Variants in AP3B2 observed in about 807,000 individuals in gnomAD.
AP3B2 encodes the protein adaptor related protein complex 3 subunit beta 2.
A neutral mutation model predicts 126.9 loss-of-function variants in AP3B2; 50 were observed. That is an observed-to-expected ratio of 0.39 (90% CI 0.31 to 0.50). The LOEUF is 0.50. Among genes scored for constraint, AP3B2 ranks in the 20% least tolerant of loss-of-function variants. AP3B2 has a pLI of 0.79. For missense variants in AP3B2, 1,177 were observed against 1,426.4 expected (o/e 0.83, Z 2.82); for synonymous variants, 541 against 565.0 (o/e 0.96, Z 0.60).
At chr15:82,663,653 A>C in intron 20 of AP3B2, 33 bp from the exon 21 acceptor site, 1 of 1,613,552 alleles carries the variant, frequency 6.2e-7, no homozygotes, top group Non-Finnish European at 8.5e-7. Context: ...GGGTGTGGGG[A>C]AGGGGAGCAC....
At chr15:82,702,589 C>A (rs955322570) in intron 1 of AP3B2, among the ~76,000 whole-genome samples, 11 of 152,168 alleles carry the variant, frequency 7.2e-5, no homozygotes, top group African/African-American at 2.7e-4. Flanking sequence ...CGCCCCTGCC[C>A]ACCAAGGAAC....
intron 1 of AP3B2, among the ~76,000 whole-genome samples, chr15:82,698,955 C>T (rs950816598): frequency 6.6e-6 from 1 of 152,186 alleles, no homozygotes; most frequent in African/African-American, 2.4e-5. Context: ...CTGACACAGA[C>T]CGCAGCCACC....
intron 1 of AP3B2, among the ~76,000 whole-genome samples, chr15:82,693,072 G>A (rs1375766142): frequency 6.6e-6 from 1 of 151,964 alleles, no homozygotes; most frequent in Non-Finnish European, 1.5e-5. Context: ...TAAACACCAC[G>A]AGACGATGAT....
At position 82,664,283 on chromosome 15, in the gene AP3B2, G is replaced by A; in HGVS notation, c.2261+84C>T. The A allele has an allele frequency of 6.2e-7, 1 of 1,600,740 alleles. No individual in the cohort carries two copies. Among genetic ancestry groups the A allele is most frequent in the Non-Finnish European group, 8.5e-7 (1 of 1,175,686 alleles). ...TCACGAGGGGCTCAGGGGCTCTTAG[G>A]AGACTGGCTAAAGCTCAATGCTAGC... is the stretch of plus-strand genomic sequence containing the variant. On this transcript the variant is annotated intron_variant, in intron 19 of 26. Transcript: ENST00000535359. This position sits in a 1 kb window ranked among gnomAD's most constrained non-coding sequence, Gnocchi z 4.5.
At position 82,681,657 on chromosome 15, in the gene AP3B2, C is replaced by A; in HGVS notation, c.361-77G>T. On this transcript the variant is annotated intron_variant, in intron 4 of 26. Transcript: ENST00000535359. This position sits in a 1 kb window ranked among gnomAD's most constrained non-coding sequence, Gnocchi z 4.0. The stretch of plus-strand genomic sequence containing the variant: ...GGGGGGAGGCCACACCTTTGGAAGT[C>A]ACTGTCCCCAGCGACCACTAGCTCT... The A allele has an allele frequency of 1.3e-6, 2 of 1,486,708 alleles. No individual in the cohort carries two copies. The highest frequency in any genetic ancestry group is 2.5e-5 in the South Asian group (2 of 79,728). 92.1% of individuals were successfully genotyped at this position (1,486,708 alleles called of 1,614,324 possible). A position where few individuals can be genotyped will look rare whatever the true frequency, so the allele number is the denominator to read the frequency against.
chr15:82,707,870 C>G (rs562949974), intron 1 of AP3B2, among the ~76,000 whole-genome samples: 1 of 152,222 alleles, frequency 6.6e-6, no homozygotes, highest in Non-Finnish European at 1.5e-5. Context: ...CTCTCCCACT[C>G]TAGGTTCCCA....
intron 1 of AP3B2, among the ~76,000 whole-genome samples, chr15:82,700,397 C>CTTTTTTGTTTTTTTTTTTTTTT (rs2048700223): frequency 2.9e-5 from 1 of 35,086 alleles, no homozygotes; most frequent in African/African-American, 1.0e-4. Context: ...TGGTGGGTGG[C>CTTTTTTGTTTTTTTTTTTTTTT]TTTTTTTTTT....
chr15:82,709,606 G>A lies in AP3B2; in HGVS notation c.101C>T (p.Ser34Phe), dbSNP rs865869971. The A allele has an allele frequency of 5.3e-6, 8 of 1,511,638 alleles. No homozygotes were observed. In the African/African-American group the frequency reaches 1.2e-4, roughly 22 times the overall value. 93.6% of individuals were successfully genotyped at this position (1,511,638 alleles called of 1,614,324 possible). Residue 34 changes from serine to phenylalanine, a missense_variant, in exon 1 of 27, where the codon TCC (serine) becomes TTC (phenylalanine). Around this residue, in one of 5 missense-constraint regions of AP3B2, gnomAD observed 130 missense variants for 262.0 expected, o/e 0.50. Transcript: ENST00000535359. Reference sequence around the variant, plus strand: ...CGGGCTCCCTCACCGCTTGTAGTCGGAGGAGAAGATGCCGCCGCTCGCGGG... The same window carrying A: ...CGGGCTCCCTCACCGCTTGTAGTCGAAGGAGAAGATGCCGCCGCTCGCGGG... Reference protein sequence around the residue: ...HDPASGGIFSSDYKRHDDLKE... With the variant: ...HDPASGGIFSFDYKRHDDLKE...
chr15:82,702,216 A>G (rs2048729267), intron 1 of AP3B2, among the ~76,000 whole-genome samples: 1 of 152,190 alleles, frequency 6.6e-6, no homozygotes, highest in Non-Finnish European at 1.5e-5. Context: ...CAGCTACCTA[A>G]TAGGGTAATA....
At position 82,709,600 on chromosome 15, in the gene AP3B2, T is replaced by C. The variant is rs1190112443; in HGVS notation, c.107A>G (p.Tyr36Cys). 6 of 1,504,078 alleles carry C rather than the reference T, an allele frequency of 4.0e-6. No homozygotes were observed. The highest frequency in any genetic ancestry group is 2.9e-5 in the African/African-American group (2 of 69,136). The allele number at this position is 1,504,078 out of a possible 1,614,324, so 93.2% of individuals were successfully genotyped here. ...PASGGIFSSDYKRHDDLKEML... is the reference protein window; with the variant it reads ...PASGGIFSSDCKRHDDLKEML... ...TCCTGGCGGGCTCCCTCACCGCTTG[T>C]AGTCGGAGGAGAAGATGCCGCCGCT... Residue 36 changes from tyrosine to cysteine, a missense_variant, in exon 1 of 27, where the codon TAC (tyrosine) becomes TGC (cysteine). This residue lies in a region of AP3B2 where 130 missense variants were observed against 262.0 expected (regional missense o/e 0.50). Coordinates refer to ENST00000535359, the MANE Select transcript of AP3B2 (RefSeq NM_001278512.2).
intron 1 of AP3B2, chr15:82,692,104 CCCCGA>C (rs2048545285): frequency 6.7e-7 from 1 of 1,496,374 alleles, no homozygotes; most frequent in East Asian, 2.3e-5. Flanking sequence ...GGGCCACCCA[CCCCGA>C]CTTCGTAAGT....
intron 15 of AP3B2, 91 bp downstream of exon 15, chr15:82,666,656 T>TCA: frequency 7.1e-7 from 1 of 1,414,032 alleles, no homozygotes; most frequent in Non-Finnish European, 9.5e-7. Flanking sequence ...GCCTGGTGCC[T>TCA]GGCTAGGGGC....
At chr15:82,691,359 G>A (rs1284532689) in intron 1 of AP3B2, among the ~76,000 whole-genome samples, 1 of 152,204 alleles carries the variant, frequency 6.6e-6, no homozygotes, top group Non-Finnish European at 1.5e-5. Flanking sequence ...CTGATGGCCA[G>A]TGATGATGAG....
chr15:82,677,571 G>T, intron 12 of AP3B2, 100 bp downstream of exon 12: 1 of 1,435,036 alleles, frequency 7.0e-7, no homozygotes, highest in Non-Finnish European at 9.4e-7. Flanking sequence ...GATACACATT[G>T]TGTCTAGGCA....
intron 1 of AP3B2, among the ~76,000 whole-genome samples, chr15:82,695,995 G>A (rs2048624226): frequency 6.6e-6 from 1 of 152,212 alleles, no homozygotes; most frequent in African/African-American, 2.4e-5. Context: ...GTGTATGAGA[G>A]TAGGAGAAAC....
At chr15:82,675,528 T>C (rs976282874) in intron 14 of AP3B2, among the ~76,000 whole-genome samples, 2 of 152,222 alleles carry the variant, frequency 1.3e-5, no homozygotes, top group African/African-American at 4.8e-5. Flanking sequence ...TATAAATCTG[T>C]AGACCCCAGC....
rs367923163 is a variant in AP3B2, at chr15:82,662,941, G to A, written c.2605-19C>T. ...TCAGAAGCTAGAGTGGAGGGGTAGG[G>A]AAGGACAGAACTGAGCAAGATGGAG... On this transcript the variant is annotated intron_variant, in intron 22 of 26. Coordinates refer to ENST00000535359, the MANE Select transcript of AP3B2 (RefSeq NM_001278512.2). The A allele has an allele frequency of 3.0e-5, 48 of 1,604,340 alleles. No homozygotes were observed. Among genetic ancestry groups the A allele is most frequent in the African/African-American group, 2.5e-4 (19 of 74,794 alleles).
intron 21 of AP3B2, 106 bp from the exon 22 acceptor site, chr15:82,663,339 G>T: frequency 9.6e-7 from 1 of 1,041,708 alleles, no homozygotes; most frequent in Non-Finnish European, 1.5e-6. Flanking sequence ...GGACAGCGGG[G>T]CACATGGCTG....
At position 82,682,857 on chromosome 15, in the gene AP3B2, TAGG is replaced by T. The variant is rs925431249; in HGVS notation, c.361-1280_361-1278del. On this transcript the variant is annotated intron_variant, in intron 4 of 26. Coordinates refer to ENST00000535359, the MANE Select transcript of AP3B2 (RefSeq NM_001278512.2). ...ATCCCAACACTTTGGGAGGCTGAGG[TAGG>T]AGGATTGCTTGAGCCTAGGAGTTCA... Among the ~76,000 whole-genome samples the T allele has an allele frequency of 3.3e-5, 5 of 150,812 alleles. 1 individual carries two copies. The highest frequency in any genetic ancestry group is 3.3e-4 in the Admixed American group (5 of 15,116).
Sources: allele counts gnomAD v4.1 joint callset (sites outside exome capture counted in the v4.1 genomes callset), GRCh38; gene constraint gnomAD v4.1.1; regional missense constraint gnomAD v4.1.1; non-coding constraint Gnocchi (gnomAD v3.1); transcripts MANE v1.5; gene names NCBI Gene and HGNC (gene_info 2026-07-23, HGNC 2026-07-21).